Variants in CTTNBP2NL observed in about 807,000 individuals in gnomAD.
CTTNBP2NL encodes CTTNBP2 N-terminal like.
In CTTNBP2NL, 16 loss-of-function variants were observed where a neutral mutation model predicts 32.5. That is an observed-to-expected ratio of 0.49 (90% CI 0.33 to 0.75). The LOEUF is 0.75. Among genes scored for constraint, CTTNBP2NL ranks in the 30% least tolerant of loss-of-function variants. The pLI, the probability that CTTNBP2NL is intolerant of heterozygous loss-of-function variation, is 0.02. For missense variants in CTTNBP2NL, 645 were observed against 756.0 expected, an observed-to-expected ratio of 0.85 and a Z score of 1.72; for synonymous variants, 298 against 289.4, an observed-to-expected ratio of 1.03 and a Z score of -0.30.
intron 1 of CTTNBP2NL, among the ~76,000 whole-genome samples, chr1:112,410,987 TAATG>T (rs1209762466): frequency 6.6e-6 from 1 of 152,210 alleles, no homozygotes; most frequent in Non-Finnish European, 1.5e-5. Flanking sequence ...GTTTTTCTGA[TAATG>T]AATATGGGGC....
chr1:112,422,081 T>C (rs929277223), intron 3 of CTTNBP2NL, among the ~76,000 whole-genome samples: 1 of 152,174 alleles, frequency 6.6e-6, no homozygotes, highest in African/African-American at 2.4e-5. Context: ...ATAACAAACA[T>C]ATCCATTGCT....
chr1:112,420,422 C>T (rs943757974), intron 3 of CTTNBP2NL, among the ~76,000 whole-genome samples: 9 of 151,900 alleles, frequency 5.9e-5, no homozygotes, highest in Non-Finnish European at 7.4e-5. Flanking sequence ...GGATTACATG[C>T]GTGAGCCACC....
intron 3 of CTTNBP2NL, among the ~76,000 whole-genome samples, chr1:112,447,128 G>T (rs1474277628): frequency 6.6e-6 from 1 of 151,896 alleles, no homozygotes; most frequent in Non-Finnish European, 1.5e-5. Context: ...ACAAAAATTA[G>T]CCGGGCGTGG....
At chr1:112,403,323 A>G (rs1648558953) in intron 1 of CTTNBP2NL, among the ~76,000 whole-genome samples, 1 of 152,128 alleles carries the variant, frequency 6.6e-6, no homozygotes, top group African/African-American at 2.4e-5. Flanking sequence ...GTGGCTTCCC[A>G]TTTTCTAAAA....
chr1:112,426,883 G>C (rs1649423319), intron 3 of CTTNBP2NL, among the ~76,000 whole-genome samples: 1 of 152,058 alleles, frequency 6.6e-6, no homozygotes, highest in Non-Finnish European at 1.5e-5. Context: ...TGGGATTACA[G>C]GGTTGAGCCA....
intron 1 of CTTNBP2NL, among the ~76,000 whole-genome samples, chr1:112,397,492 T>C (rs1205105942): frequency 6.6e-6 from 1 of 152,198 alleles, no homozygotes; most frequent in Non-Finnish European, 1.5e-5. Context: ...TATCAAAATT[T>C]AGAGGATGAA....
At chr1:112,438,386 G>T (rs1477761092) in intron 3 of CTTNBP2NL, among the ~76,000 whole-genome samples, 1 of 152,112 alleles carries the variant, frequency 6.6e-6, no homozygotes, top group East Asian at 1.9e-4. Context: ...ATTTTTGTAT[G>T]TTGATTTTGT....
At chr1:112,441,793 T>TA (rs1368575662) in intron 3 of CTTNBP2NL, among the ~76,000 whole-genome samples, 2 of 152,220 alleles carry the variant, frequency 1.3e-5, no homozygotes, top group Admixed American at 6.5e-5. Flanking sequence ...CCCTGATCCC[T>TA]AATGACTTAG....
At chr1:112,452,964 A>G (rs1650266748) in intron 4 of CTTNBP2NL, among the ~76,000 whole-genome samples, 1 of 141,316 alleles carries the variant, frequency 7.1e-6, no homozygotes, top group Non-Finnish European at 1.5e-5. Context: ...TTCTACAAAA[A>G]ATCAGCAGGC....
chr1:112,431,658 C>T (rs924192718), intron 3 of CTTNBP2NL, among the ~76,000 whole-genome samples: 1 of 152,154 alleles, frequency 6.6e-6, no homozygotes, highest in East Asian at 1.9e-4. Flanking sequence ...TAAGTTCCAT[C>T]AATGGCTGCA....
rs573464057 is a variant in CTTNBP2NL at position 112,428,360 on chromosome 1, A to C, written c.99+12096A>C. The stretch of plus-strand genomic sequence containing the variant: ...CCCAAAGAAGATACTTTAGCCTTCT[A>C]TTATTCACTTTGTAGGAAAATAAAT... On this transcript the variant is annotated intron_variant, in intron 3 of 5. Transcript: ENST00000271277. Among the ~76,000 whole-genome samples the C allele has an allele frequency of 2.6e-5, 4 of 152,170 alleles. No individual in the cohort carries two copies. In the East Asian group the frequency reaches 5.8e-4, roughly 22 times the overall value.
At chr1:112,440,258 A>G (rs1022831005) in intron 3 of CTTNBP2NL, among the ~76,000 whole-genome samples, 4 of 152,162 alleles carry the variant, frequency 2.6e-5, no homozygotes, top group African/African-American at 9.7e-5. Flanking sequence ...TTTTTGTTAC[A>G]TTTTGTATAT....
rs541007393 is a variant in CTTNBP2NL at position 112,423,251 on chromosome 1, T to C, written c.99+6987T>C. Among the ~76,000 whole-genome samples the C allele has an allele frequency of 2.3e-3, 343 of 152,290 alleles. 2 individuals carry two copies. Among genetic ancestry groups the C allele is most frequent in the African/African-American group, 7.7e-3 (322 of 41,554 alleles). On this transcript the variant is annotated intron_variant, in intron 3 of 5. Transcript: ENST00000271277. ...CTTGCAAATATTTTCTCCCAGTCTG[T>C]GACTTATTTCATTATCTTAACTCTA...
intron 1 of CTTNBP2NL, among the ~76,000 whole-genome samples, chr1:112,408,166 G>A (rs1046188375): frequency 1.4e-5 from 2 of 144,900 alleles, no homozygotes; most frequent in Non-Finnish European, 3.0e-5. Context: ...TTTAACAAAT[G>A]TACAAAAGAT....
intron 4 of CTTNBP2NL, among the ~76,000 whole-genome samples, chr1:112,453,947 A>G (rs1005594185): frequency 6.6e-6 from 1 of 152,114 alleles, no homozygotes; most frequent in African/African-American, 2.4e-5. Flanking sequence ...CTATATAAAA[A>G]TGTATATTAT....
chr1:112,413,851 C>T (rs1420723855), intron 2 of CTTNBP2NL, among the ~76,000 whole-genome samples: 3 of 151,960 alleles, frequency 2.0e-5, no homozygotes, highest in Middle Eastern at 3.4e-3. Context: ...AGTTGGAGAC[C>T]AGCTTGGCCA....
upstream of CTTNBP2NL, among the ~76,000 whole-genome samples, chr1:112,394,270 A>G (rs1021952937): frequency 2.6e-5 from 4 of 151,704 alleles, no homozygotes; most frequent in African/African-American, 9.7e-5. Flanking sequence ...CAACTCTTAG[A>G]GTGACTCAGA....
chr1:112,410,155 G>T (rs2492511), intron 1 of CTTNBP2NL, among the ~76,000 whole-genome samples: 81,090 of 152,078 alleles, frequency 0.53, 23,411 homozygotes, highest in South Asian at 0.71. Context: ...CACTTTGGGA[G>T]GCCAAGGCGG....
chr1:112,407,636 A>G (rs923228311), intron 1 of CTTNBP2NL, among the ~76,000 whole-genome samples: 20 of 152,198 alleles, frequency 1.3e-4, no homozygotes, highest in Admixed American at 1.3e-3. Flanking sequence ...TTTGGGAGGT[A>G]CAAGTCAGCC....
Sources: gnomAD v4.1 joint callset for allele counts (sites outside exome capture counted in the v4.1 genomes callset) on GRCh38, gnomAD v4.1.1 for gene constraint, MANE v1.5 for transcripts, NCBI Gene and HGNC (gene_info 2026-07-23, HGNC 2026-07-21) for gene names.